Variants in CFAP46 observed in about 807,000 individuals in gnomAD.
The protein encoded by CFAP46 is cilia- and flagella-associated protein 46.
Under a neutral mutation model 325.7 loss-of-function variants are expected in CFAP46, and 245 were observed. The observed-to-expected ratio is 0.75, with a 90% CI of 0.68 to 0.84. CFAP46 has a LOEUF of 0.84. CFAP46 is among the 40% of genes least tolerant of loss of function. The probability of loss-of-function intolerance (pLI) is 0.00; values close to 1 mark genes in which losing one functional copy is unlikely to be tolerated. For missense variants in CFAP46, 3,346 were observed against 3,543.0 expected, an observed-to-expected ratio of 0.94 and a Z score of 1.41; for synonymous variants, 1,523 against 1,495.9, an observed-to-expected ratio of 1.02 and a Z score of -0.42.
At chr10:132,820,978 GAT>G (rs1192500498) in intron 50 of CFAP46, among the ~76,000 whole-genome samples, 2 of 137,038 alleles carry the variant, frequency 1.5e-5, no homozygotes, top group East Asian at 4.7e-4. Context: ...TGTGTGTGCT[GAT>G]GTGTGCTGTG....
At chr10:132,857,859 C>G (rs1848666332) in intron 38 of CFAP46, 71 bp from the exon 39 acceptor site, 1 of 1,256,852 alleles carries the variant, frequency 8.0e-7, no homozygotes, top group African/African-American at 1.5e-5. Context: ...ATGTCATTTT[C>G]TATCATACTG....
chr10:132,932,206 A>G (rs1026623091), intron 8 of CFAP46, among the ~76,000 whole-genome samples: 3 of 140,990 alleles, frequency 2.1e-5, no homozygotes, highest in African/African-American at 8.2e-5. Flanking sequence ...CACTTCTCAC[A>G]CAGAGCCTGG....
intron 8 of CFAP46, among the ~76,000 whole-genome samples, chr10:132,932,381 G>C (rs1240575499): frequency 1.5e-5 from 2 of 135,246 alleles, no homozygotes; most frequent in Non-Finnish European, 3.1e-5. Context: ...TCCCCACGCA[G>C]AGGCTGGGCC....
At chr10:132,867,310 C>T (rs1848829172) in intron 34 of CFAP46, 65 bp downstream of exon 34, 6 of 1,521,012 alleles carry the variant, frequency 3.9e-6, no homozygotes, top group Admixed American at 4.5e-5. Flanking sequence ...TGCAGCCCTG[C>T]ATGGCCACGA....
chr10:132,942,320 G>A, intron 1 of CFAP46, 116 bp downstream of exon 1: 3 of 1,107,820 alleles, frequency 2.7e-6, no homozygotes, highest in Non-Finnish European at 2.5e-6. Flanking sequence ...TGTGGCCCTC[G>A]AGGGATCACC....
intron 3 of CFAP46, 109 bp from the exon 4 acceptor site, chr10:132,941,169 T>C: frequency 2.8e-6 from 3 of 1,061,938 alleles, no homozygotes; most frequent in Non-Finnish European, 4.4e-6. Flanking sequence ...CCCCTGTGTG[T>C]CACCTGTGTA....
intron 22 of CFAP46, among the ~76,000 whole-genome samples, chr10:132,902,452 C>T (rs527625579): frequency 2.6e-5 from 4 of 152,348 alleles, no homozygotes; most frequent in African/African-American, 9.6e-5. Flanking sequence ...ATTTCAGACA[C>T]TTTATTTTTC....
chr10:132,847,251 C>T lies in CFAP46; in HGVS notation c.6023G>A (p.Ser2008Asn), dbSNP rs778848777. 3.1e-6 allele frequency: 5 copies of T among 1,613,432 alleles called. No homozygotes were observed. Among genetic ancestry groups the T allele is most frequent in the Non-Finnish European group, 4.2e-6 (5 of 1,179,946 alleles). Residue 2008 changes from serine (S) to asparagine (N), a missense_variant, in exon 42 of 58, where the codon AGC (serine) becomes AAC (asparagine). By Grantham distance (46) the Ser-to-Asn change is conservative. Coordinates refer to ENST00000368586, the MANE Select transcript of CFAP46 (RefSeq NM_001200049.3). This position sits in a 1 kb window ranked among gnomAD's most constrained non-coding sequence, Gnocchi z 5.2. Reference protein sequence around the residue: ...EVEEEGATKSSRDPPASRAAP... With the variant: ...EVEEEGATKSNRDPPASRAAP... ...TGCCCTGGAGGCCGGCGGGTCCCTG[C>T]TGGACTTTGTGGCACCCTCTTCCTC...
intron 41 of CFAP46, among the ~76,000 whole-genome samples, chr10:132,849,205 GC>G (rs985496667): frequency 3.3e-5 from 5 of 152,226 alleles, no homozygotes; most frequent in African/African-American, 1.2e-4. Flanking sequence ...AGGAGGCCCT[GC>G]CGACCCTCGC....
At chr10:132,925,240 C>T (rs562945906) in intron 10 of CFAP46, among the ~76,000 whole-genome samples, 2 of 152,338 alleles carry the variant, frequency 1.3e-5, no homozygotes, top group South Asian at 2.1e-4. Context: ...CTGTGCTACA[C>T]GGGCCCTTCC....
chr10:132,934,642 G>T, intron 8 of CFAP46, 110 bp downstream of exon 8: 2 of 725,264 alleles, frequency 2.8e-6, no homozygotes, highest in African/African-American at 1.8e-5. Context: ...GCTGGCTTTT[G>T]CAAAGGTGGT....
intron 43 of CFAP46, 27 bp downstream of exon 43, chr10:132,846,905 C>T: frequency 6.3e-7 from 1 of 1,590,624 alleles, no homozygotes; most frequent in South Asian, 1.1e-5. Flanking sequence ...AAGGGCCTGG[C>T]TGGAGGTGGG....
chr10:132,921,668 AGTC>A (rs1849723844), intron 13 of CFAP46, among the ~76,000 whole-genome samples: 1 of 152,220 alleles, frequency 6.6e-6, no homozygotes, highest in Non-Finnish European at 1.5e-5. Context: ...GGTGGACCCT[AGTC>A]CAATCTGACT....
chr10:132,878,218 G>T, intron 29 of CFAP46, 131 bp from the exon 30 acceptor site: 1 of 863,642 alleles, frequency 1.2e-6, no homozygotes, highest in Non-Finnish European at 1.8e-6. Context: ...TGGTGGTCTT[G>T]CGTCCCCGTC....
At chr10:132,833,196 A>G (rs1032163648) in intron 50 of CFAP46, among the ~76,000 whole-genome samples, 162 bp downstream of exon 50, 3 of 152,234 alleles carry the variant, frequency 2.0e-5, no homozygotes, top group Admixed American at 6.5e-5. Context: ...GCTGGTGAGT[A>G]TTTATATCCT....
In CFAP46 at chr10:132,814,856, C is replaced by T. The variant is rs1016204238; in HGVS notation, c.7176G>A (p.Lys2392=). 3 of 1,614,118 alleles carry T rather than the reference C, an allele frequency of 1.9e-6. No individual in the cohort carries two copies. In the African/African-American group the frequency reaches 4.0e-5, roughly 22 times the overall value. ...GGCCCCCACCCACCTTCCTGCCCTT[C>T]TTCGCTAGGCTTCTCTTTTTGGGGT... ...SRDPKKRSLA[K]KGRKGSIPRT... The change falls in exon 51 of 58, where the codon AAG becomes AAA. Residue 2392 remains lysine (K), a synonymous_variant. Coordinates refer to ENST00000368586, the MANE Select transcript of CFAP46 (RefSeq NM_001200049.3).
At chr10:132,878,573 C>G (rs905814888) in intron 29 of CFAP46, among the ~76,000 whole-genome samples, 1 of 152,332 alleles carries the variant, frequency 6.6e-6, no homozygotes, top group East Asian at 1.9e-4. Context: ...TGAATGAGTT[C>G]GAGGTCTCTA....
chr10:132,831,415 C>T (rs866486191), intron 50 of CFAP46, among the ~76,000 whole-genome samples: 4 of 152,068 alleles, frequency 2.6e-5, no homozygotes, highest in African/African-American at 9.7e-5. Flanking sequence ...GTGTGTTTTA[C>T]GGGGATGTTA....
Position 132,866,136 on chromosome 10 carries a change from C to T in CFAP46, c.4779G>A (p.Leu1593=). The change falls in exon 35 of 58, where the codon CTG becomes CTA. Residue 1593 remains leucine, a synonymous_variant. Transcript: ENST00000368586. ...ACAGGTGGGGAAAGGACGTCCCATC[C>T]AGGTCCCTCCCGGTCTCCCCATTCA... is the stretch of plus-strand genomic sequence containing the variant. ...LKMNGETGRD[L]DGTSFPHLWM... The T allele has an allele frequency of 1.9e-6, 3 of 1,542,098 alleles. 1 individual carries two copies. In the South Asian group the frequency reaches 3.6e-5, roughly 19 times the overall value.
Sources: gnomAD v4.1 joint callset for allele counts (sites outside exome capture counted in the v4.1 genomes callset) on GRCh38, gnomAD v4.1.1 for gene constraint, Gnocchi (gnomAD v3.1) non-coding constraint, MANE v1.5 for transcripts, NCBI Gene and HGNC (gene_info 2026-07-23, HGNC 2026-07-21) for gene names.